Variants in ESR1 observed in about 807,000 individuals in gnomAD.
ESR1 encodes estrogen receptor 1.
In ESR1, 12 loss-of-function variants were observed where a neutral mutation model predicts 52.7. The observed-to-expected ratio is 0.23, with a 90% confidence interval of 0.15 to 0.37. The LOEUF (loss-of-function observed/expected upper bound fraction) is 0.37, where lower values mean the gene tolerates loss of function less well. Ranked by LOEUF, ESR1 falls within the 10% of genes least tolerant of loss-of-function variation. ESR1 has a pLI of 1.00. For missense variants in ESR1, 584 were observed against 779.7 expected (o/e 0.75, Z 2.99); for synonymous variants, 305 against 316.8 (o/e 0.96, Z 0.39).
chr6:151,667,727 C>A (rs1777880337), intron 1 of ESR1, among the ~76,000 whole-genome samples: 1 of 152,120 alleles, frequency 6.6e-6, no homozygotes, highest in African/African-American at 2.4e-5. Context: ...AGCGACAAAG[C>A]ATTTCTATGG....
chr6:151,877,989 T>C (rs1792142725), intron 2 of ESR1, among the ~76,000 whole-genome samples: 1 of 151,976 alleles, frequency 6.6e-6, no homozygotes, highest in African/African-American at 2.4e-5. Flanking sequence ...TTTAATTTTT[T>C]TTTTTTGTAG....
chr6:151,818,006 AG>A (rs1779951492), intron 1 of ESR1, among the ~76,000 whole-genome samples: 1 of 152,230 alleles, frequency 6.6e-6, no homozygotes, highest in South Asian at 2.1e-4. Flanking sequence ...TTAAATGTGG[AG>A]GAGGACTCAA....
chr6:151,738,994 G>A (rs1782878045), intron 2 of ESR1, among the ~76,000 whole-genome samples: 1 of 152,164 alleles, frequency 6.6e-6, no homozygotes, highest in Non-Finnish European at 1.5e-5. Flanking sequence ...TCTAGTATCT[G>A]AAGGCAGCAG....
chr6:151,703,126 C>T (rs1306941139), intron 2 of ESR1, among the ~76,000 whole-genome samples: 2 of 152,166 alleles, frequency 1.3e-5, no homozygotes, highest in African/African-American at 2.4e-5. Flanking sequence ...TATTACTCAG[C>T]GTGGTAATTT....
intron 1 of ESR1, among the ~76,000 whole-genome samples, chr6:151,661,901 G>C (rs1325054164): frequency 6.6e-6 from 1 of 152,116 alleles, no homozygotes; most frequent in Non-Finnish European, 1.5e-5. Context: ...AGTTTCCTGA[G>C]GCCTTCCCAG....
At chr6:151,926,222 G>T (rs2032712306) in intron 3 of ESR1, among the ~76,000 whole-genome samples, 1 of 152,102 alleles carries the variant, frequency 6.6e-6, no homozygotes. Flanking sequence ...GTACCATACT[G>T]CCTTTATTAC....
At position 151,911,047 on chromosome 6, in the gene ESR1, C is replaced by T. The variant is rs978188551; in HGVS notation, c.760+30276C>T. 4.6e-5 allele frequency among the ~76,000 whole-genome samples: 7 copies of T among 152,304 alleles called. No individual in the cohort carries two copies. In the East Asian group the frequency reaches 9.7e-4, roughly 21 times the overall value. On this transcript the variant is annotated intron_variant, in intron 3 of 7. Transcript: ENST00000206249. ...ATGAGAATCTAATGCTGCCGCTGAT[C>T]TGACAGGAAATGGGGCTCAGGCAGT...
At chr6:151,667,543 A>G (rs1381919028) in intron 1 of ESR1, among the ~76,000 whole-genome samples, 1 of 152,172 alleles carries the variant, frequency 6.6e-6, no homozygotes, top group South Asian at 2.1e-4. Flanking sequence ...TTCCTGCCTG[A>G]TGCCAGGAAC....
chr6:151,923,574 A>G (rs1478611939), intron 3 of ESR1, among the ~76,000 whole-genome samples: 1 of 152,220 alleles, frequency 6.6e-6, no homozygotes, highest in East Asian at 1.9e-4. Context: ...AATTGAAATC[A>G]TACAATATGT....
At chr6:152,049,456 A>G (rs1480316885) in intron 5 of ESR1, among the ~76,000 whole-genome samples, 2 of 152,192 alleles carry the variant, frequency 1.3e-5, no homozygotes, top group Admixed American at 6.5e-5. Context: ...AAGAAAGACA[A>G]TTGGACATCA....
chr6:152,013,660 T>C (rs2042952214), intron 5 of ESR1, among the ~76,000 whole-genome samples: 1 of 152,134 alleles, frequency 6.6e-6, no homozygotes, highest in Non-Finnish European at 1.5e-5. Flanking sequence ...AGTGAGGTGA[T>C]ATGGCCTAGG....
At chr6:151,857,152 C>T (rs11758197) in intron 2 of ESR1, among the ~76,000 whole-genome samples, 4,126 of 152,114 alleles carry the variant, frequency 0.027, 96 homozygotes, top group Non-Finnish European at 0.044. Context: ...TGGATTCAAC[C>T]GACTGCAAAT....
downstream of ESR1, among the ~76,000 whole-genome samples, chr6:152,107,418 A>T (rs1336200975): frequency 6.6e-6 from 1 of 151,954 alleles, no homozygotes; most frequent in Non-Finnish European, 1.5e-5. Flanking sequence ...TATTTCCATT[A>T]TTGTATATTT....
intron 3 of ESR1, among the ~76,000 whole-genome samples, chr6:151,941,940 G>T (rs2035122246): frequency 6.6e-6 from 1 of 152,104 alleles, no homozygotes; most frequent in Non-Finnish European, 1.5e-5. Flanking sequence ...CTTTCTCTAG[G>T]CTAACCCTTC....
At chr6:151,921,258 T>A (rs116373972) in intron 3 of ESR1, among the ~76,000 whole-genome samples, 3,711 of 152,240 alleles carry the variant, frequency 0.024, 102 homozygotes, top group East Asian at 0.076. Context: ...TGCAAAGGAT[T>A]TGATATCCTT....
At chr6:151,875,572 TAA>T (rs1013247083) in intron 2 of ESR1, among the ~76,000 whole-genome samples, 1 of 152,100 alleles carries the variant, frequency 6.6e-6, no homozygotes, top group Non-Finnish European at 1.5e-5. Context: ...GACAAGCAGT[TAA>T]AACCCAACAT....
At chr6:151,709,362 T>C (rs1014546075) in intron 2 of ESR1, among the ~76,000 whole-genome samples, 1 of 152,244 alleles carries the variant, frequency 6.6e-6, no homozygotes, top group African/African-American at 2.4e-5. Context: ...ATATACCATA[T>C]TTTCTTTATC....
At chr6:151,968,943 C>T (rs1420535389) in intron 4 of ESR1, among the ~76,000 whole-genome samples, 1 of 152,144 alleles carries the variant, frequency 6.6e-6, no homozygotes, top group Non-Finnish European at 1.5e-5. Flanking sequence ...CTTAAGCTCT[C>T]TCTGGCCTCA....
intron 5 of ESR1, among the ~76,000 whole-genome samples, chr6:152,038,848 C>T (rs2045545581): frequency 6.6e-6 from 1 of 152,094 alleles, no homozygotes; most frequent in African/African-American, 2.4e-5. Flanking sequence ...CCAGGCTGGT[C>T]TTGAACTCCT....
Sources: allele counts gnomAD v4.1 joint callset (sites outside exome capture counted in the v4.1 genomes callset), GRCh38; gene constraint gnomAD v4.1.1; transcripts MANE v1.5; gene names NCBI Gene and HGNC (gene_info 2026-07-23, HGNC 2026-07-21).